The following CAV1 variants were observed in gnomAD, a reference collection of about 807,000 sequenced individuals.
CAV1 encodes the protein caveolin-1.
In CAV1, 10 loss-of-function variants were observed where a neutral mutation model predicts 16.5. The ratio of observed to expected loss-of-function variants is 0.61; its 90% CI spans 0.37 to 1.03. CAV1 has a LOEUF of 1.03. Ranked by LOEUF, CAV1 falls within the 50% of genes least tolerant of loss-of-function variation. CAV1 has a pLI of 0.01. For missense variants in CAV1, 212 were observed against 232.8 expected, an observed-to-expected ratio of 0.91 and a Z score of 0.58; for synonymous variants, 76 against 85.1, an observed-to-expected ratio of 0.89 and a Z score of 0.59.
At chr7:116,525,658 C>T (rs1258914953) in intron 1 of CAV1, 3 of 1,090,786 alleles carry the variant, frequency 2.8e-6, no homozygotes, top group African/African-American at 3.3e-5. Context: ...ACCTCCCCTC[C>T]CCAAACTGCC....
At chr7:116,533,582 A>G (rs959473312) in intron 2 of CAV1, among the ~76,000 whole-genome samples, 2 of 152,088 alleles carry the variant, frequency 1.3e-5, no homozygotes, top group Non-Finnish European at 2.9e-5. Flanking sequence ...CTCCTGAGTA[A>G]CTGGGACCAC....
In CAV1 at chr7:116,559,344, G is replaced by T; in HGVS notation, c.*57G>T. 7.5e-7 allele frequency: 1 copy of T among 1,341,974 alleles called. No individual in the cohort carries two copies. The allele number at this position is 1,341,974 out of a possible 1,614,324, so 83.1% of individuals were successfully genotyped here. A position where few individuals can be genotyped will look rare whatever the true frequency, so the allele number is the denominator to read the frequency against. On this transcript the variant is annotated 3_prime_UTR_variant, in exon 3 of 3. Coordinates refer to ENST00000341049, the MANE Select transcript of CAV1 (RefSeq NM_001753.5). The stretch of plus-strand genomic sequence containing the variant: ...TTTTTTTCCTTTTAATTTTCCTGGT[G>T]CCAATTTCAAGTTCCAAGTTGCTAA...
At chr7:116,543,745 A>G (rs1299745746) in intron 2 of CAV1, among the ~76,000 whole-genome samples, 2 of 152,340 alleles carry the variant, frequency 1.3e-5, no homozygotes, top group East Asian at 3.9e-4. Context: ...CTAGCTAAAT[A>G]AAAAGTGCTC....
intron 2 of CAV1, among the ~76,000 whole-genome samples, chr7:116,549,538 A>G (rs780201356): frequency 6.6e-6 from 1 of 152,144 alleles, no homozygotes; most frequent in Non-Finnish European, 1.5e-5. Flanking sequence ...TTAAAATAAA[A>G]TGATTTTTAT....
At chr7:116,548,886 C>T (rs1282468395) in intron 2 of CAV1, among the ~76,000 whole-genome samples, 2 of 152,130 alleles carry the variant, frequency 1.3e-5, no homozygotes, top group African/African-American at 4.8e-5. Flanking sequence ...TATTGCTATT[C>T]CAAGGCCCGT....
chr7:116,528,849 A>G (rs1793626945), intron 2 of CAV1, among the ~76,000 whole-genome samples: 1 of 151,770 alleles, frequency 6.6e-6, no homozygotes, highest in Non-Finnish European at 1.5e-5. Flanking sequence ...TTATTTTTTG[A>G]GACGGAGTCT....
At chr7:116,527,942 C>CT (rs1164466822) in intron 2 of CAV1, among the ~76,000 whole-genome samples, 2 of 152,088 alleles carry the variant, frequency 1.3e-5, no homozygotes, top group African/African-American at 2.4e-5. Context: ...GCATTTGCAG[C>CT]TTTTTTTGAC....
intron 1 of CAV1, chr7:116,525,522 C>T: frequency 2.4e-6 from 3 of 1,234,306 alleles, no homozygotes; most frequent in South Asian, 3.2e-5. Context: ...GACTCTCCGC[C>T]AGGCGCCCAG....
chr7:116,546,595 G>T (rs923301020), intron 2 of CAV1, among the ~76,000 whole-genome samples: 1 of 151,644 alleles, frequency 6.6e-6, no homozygotes, highest in Non-Finnish European at 1.5e-5. Context: ...TACTTGGGAG[G>T]CTGAGGCAGG....
Position 116,558,988 on chromosome 7 carries a change from A to G in CAV1, c.238A>G (p.Ser80Gly), listed in dbSNP as rs369884333. 8.7e-6 allele frequency: 14 copies of G among 1,613,756 alleles called. No individual in the cohort carries two copies. Among genetic ancestry groups the G allele is most frequent in the Non-Finnish European group, 1.2e-5 (14 of 1,179,896 alleles). ...DVIAEPEGTH[S>G]FDGIWKASFT... ...GATTGCAGAACCAGAAGGGACACAC[A>G]GTTTTGACGGCATTTGGAAGGCCAG... Residue 80 changes from serine to glycine, a missense_variant, in exon 3 of 3, where the codon AGT becomes GGT. Ser to Gly is a moderately conservative substitution (Grantham distance 56). Coordinates refer to ENST00000341049, the MANE Select transcript of CAV1 (RefSeq NM_001753.5).
At chr7:116,553,873 T>C (rs1794212288) in intron 2 of CAV1, among the ~76,000 whole-genome samples, 1 of 152,172 alleles carries the variant, frequency 6.6e-6, no homozygotes, top group African/African-American at 2.4e-5. Flanking sequence ...ACAATAGGCC[T>C]GTGGGACCTC....
chr7:116,525,183 G>GCC (rs150496113), intron 1 of CAV1, 91 bp downstream of exon 1: 83,934 of 1,613,852 alleles, frequency 0.052, 2,572 homozygotes, highest in South Asian at 0.086. Context: ...TGCTGCCCTG[G>GCC]CCCCAGCCCT....
At chr7:116,544,092 A>G (rs557579344) in intron 2 of CAV1, among the ~76,000 whole-genome samples, 70 of 152,338 alleles carry the variant, frequency 4.6e-4, no homozygotes, top group South Asian at 2.3e-3. Flanking sequence ...GGAAATCATC[A>G]TCTCCACGGG....
At chr7:116,530,450 G>A (rs1188091842) in intron 2 of CAV1, among the ~76,000 whole-genome samples, 3 of 152,042 alleles carry the variant, frequency 2.0e-5, no homozygotes, top group African/African-American at 4.8e-5. Context: ...ATAACAAAAA[G>A]GTTTTTAAAT....
chr7:116,536,251 G>A (rs1053143045), intron 2 of CAV1, among the ~76,000 whole-genome samples: 2 of 152,062 alleles, frequency 1.3e-5, no homozygotes, highest in Admixed American at 6.5e-5. Flanking sequence ...ACTGGGCTGC[G>A]ATATCTCATA....
intron 2 of CAV1, among the ~76,000 whole-genome samples, chr7:116,546,702 A>AAAAAAAAAAAAAAT (rs1554356427): frequency 7.0e-6 from 1 of 142,952 alleles, no homozygotes. Context: ...TGTCACAAAA[A>AAAAAAAAAAAAAAT]AAAAAAAAAA....
In CAV1 at chr7:116,526,777, G is replaced by A. The variant is rs558299307; in HGVS notation, c.195+88G>A. 3.7e-5 allele frequency: 54 copies of A among 1,449,658 alleles called. No homozygotes were observed. The Middle Eastern group carries it at 5.2e-4, about 14-fold the overall frequency. The allele number at this position is 1,449,658 out of a possible 1,614,324, so 89.8% of individuals were successfully genotyped here. On this transcript the variant is annotated intron_variant, in intron 2 of 2. Coordinates refer to ENST00000341049, the MANE Select transcript of CAV1 (RefSeq NM_001753.5). ...ATCCTTCTTTAGCATTGCCGTGTAC[G>A]CACACCCCACCCCGCCCCCTACACG... is the stretch of plus-strand genomic sequence containing the variant.
intron 2 of CAV1, among the ~76,000 whole-genome samples, chr7:116,544,205 C>G (rs1040223815): frequency 6.6e-6 from 1 of 152,120 alleles, no homozygotes; most frequent in African/African-American, 2.4e-5. Flanking sequence ...CAAAATTATG[C>G]CTGGATTAGA....
intron 2 of CAV1, among the ~76,000 whole-genome samples, chr7:116,534,462 T>C (rs1306145499): frequency 5.0e-4 from 69 of 137,312 alleles, no homozygotes; most frequent in Admixed American, 2.0e-3. Context: ...TGCAGTGGCA[T>C]GATCTCAGCT....
Sources: gnomAD v4.1 joint callset for allele counts (sites outside exome capture counted in the v4.1 genomes callset) on GRCh38, gnomAD v4.1.1 for gene constraint, MANE v1.5 for transcripts, NCBI Gene and HGNC (gene_info 2026-07-23, HGNC 2026-07-21) for gene names.